MAML1: variants seen among roughly 807,000 people sequenced by gnomAD.
MAML1 encodes mastermind-like protein 1.
MAML1 carries 14 observed loss-of-function variants against 77.1 expected under a neutral mutation model. That is an observed-to-expected ratio of 0.18 (90% CI 0.12 to 0.28). The LOEUF (loss-of-function observed/expected upper bound fraction) is 0.28. MAML1 is among the 10% of genes least tolerant of loss of function. MAML1 has a pLI of 1.00. For missense variants in MAML1, 1,217 were observed against 1,327.8 expected (o/e 0.92, Z 1.30); for synonymous variants, 516 against 551.9 (o/e 0.93, Z 0.91).
chr5:179,758,622 T>C (rs1256467997), intron 1 of MAML1, among the ~76,000 whole-genome samples: 3 of 152,110 alleles, frequency 2.0e-5, no homozygotes, highest in African/African-American at 7.2e-5. Context: ...ACTCCTGGGT[T>C]CAAGTGATCC....
intron 1 of MAML1, among the ~76,000 whole-genome samples, chr5:179,751,657 A>G (rs1256272829): frequency 6.6e-6 from 1 of 152,036 alleles, no homozygotes; most frequent in Non-Finnish European, 1.5e-5. Flanking sequence ...GTGAGCCAAG[A>G]TCATGCCACT....
At chr5:179,763,388 GGT>G (rs1779756649) in intron 1 of MAML1, among the ~76,000 whole-genome samples, 1 of 151,968 alleles carries the variant, frequency 6.6e-6, no homozygotes, top group Non-Finnish European at 1.5e-5. Flanking sequence ...GCTGTGGGGC[GGT>G]GTTCTGAATC....
intron 1 of MAML1, among the ~76,000 whole-genome samples, chr5:179,747,808 CAAAAAAAA>C (rs71001044): frequency 1.5e-4 from 6 of 40,890 alleles, no homozygotes; most frequent in South Asian, 1.6e-3. Context: ...GACTCCATCT[CAAAAAAAA>C]AAAAAAAAAA....
chr5:179,738,975 G>T (rs1412835766), intron 1 of MAML1, among the ~76,000 whole-genome samples: 2 of 152,028 alleles, frequency 1.3e-5, no homozygotes, highest in Non-Finnish European at 2.9e-5. Flanking sequence ...CATTCTTCGT[G>T]ACTTCTTCCT....
intron 4 of MAML1, among the ~76,000 whole-genome samples, chr5:179,773,173 G>A (rs536342703): frequency 4.6e-5 from 7 of 152,222 alleles, no homozygotes; most frequent in African/African-American, 1.7e-4. Flanking sequence ...GTGAACCACC[G>A]CGCCCGGCCA....
intron 1 of MAML1, among the ~76,000 whole-genome samples, chr5:179,744,884 A>C (rs1007893329): frequency 7.9e-5 from 12 of 152,008 alleles, no homozygotes; most frequent in Non-Finnish European, 1.5e-4. Context: ...TTAGTACAAA[A>C]CAACGCATGC....
intron 1 of MAML1, among the ~76,000 whole-genome samples, chr5:179,745,859 C>CAAAAA (rs36036714): frequency 8.5e-4 from 54 of 63,448 alleles, no homozygotes; most frequent in South Asian, 1.4e-3. Context: ...AACTCCGTCT[C>CAAAAA]AAAAAAAAAA....
At chr5:179,750,956 G>A (rs1424364595) in intron 1 of MAML1, among the ~76,000 whole-genome samples, 1 of 152,126 alleles carries the variant, frequency 6.6e-6, no homozygotes, top group Non-Finnish European at 1.5e-5. Context: ...CTTCAGTGCT[G>A]TCCTGAAAAC....
rs1238068707 is a variant in MAML1 at position 179,732,948 on chromosome 5, C to G, written c.-165C>G. ...AGCGCCGGCTGGGGGTCGGGCCGAG[C>G]GGGGCAGGAGGAAAACCCGCCGCCG... is the stretch of plus-strand genomic sequence containing the variant. On this transcript the variant is annotated 5_prime_UTR_variant, in exon 1 of 5. Coordinates refer to ENST00000292599, the MANE Select transcript of MAML1 (RefSeq NM_014757.5). The G allele has an allele frequency of 3.1e-6, 1 of 326,442 alleles. No homozygotes were observed. The highest frequency in any genetic ancestry group is 5.3e-6 in the Non-Finnish European group (1 of 187,956). The allele number at this position is 326,442 out of a possible 1,614,324, so 20.2% of individuals were successfully genotyped here.
At chr5:179,761,486 C>T (rs1018715991) in intron 1 of MAML1, among the ~76,000 whole-genome samples, 1 of 152,146 alleles carries the variant, frequency 6.6e-6, no homozygotes, top group African/African-American at 2.4e-5. Context: ...CACCTGAGGT[C>T]AGGAGTTTGA....
intron 1 of MAML1, among the ~76,000 whole-genome samples, chr5:179,749,055 T>G (rs1029860476): frequency 1.3e-5 from 2 of 151,762 alleles, no homozygotes; most frequent in Non-Finnish European, 2.9e-5. Flanking sequence ...AACCTCCACC[T>G]CCTGGGTTTG....
chr5:179,737,784 A>G (rs1173493611), intron 1 of MAML1, among the ~76,000 whole-genome samples: 2 of 152,214 alleles, frequency 1.3e-5, no homozygotes, highest in Admixed American at 6.5e-5. Flanking sequence ...CTAATTTTCA[A>G]GGAATGAGTC....
intron 1 of MAML1, among the ~76,000 whole-genome samples, chr5:179,737,213 C>G (rs1333884054): frequency 1.3e-5 from 2 of 152,080 alleles, no homozygotes; most frequent in Non-Finnish European, 2.9e-5. Context: ...TAAACCTTGA[C>G]TTATGGATTT....
intron 1 of MAML1, among the ~76,000 whole-genome samples, chr5:179,736,833 C>T (rs1034227007): frequency 6.6e-6 from 1 of 151,798 alleles, no homozygotes; most frequent in African/African-American, 2.4e-5. Context: ...ATGTGGCGTG[C>T]GCCTGTGGTC....
At chr5:179,739,175 T>C (rs1256678778) in intron 1 of MAML1, among the ~76,000 whole-genome samples, 1 of 152,122 alleles carries the variant, frequency 6.6e-6, no homozygotes, top group Non-Finnish European at 1.5e-5. Flanking sequence ...ATAGAAAATA[T>C]TTTTTGGAAA....
intron 1 of MAML1, among the ~76,000 whole-genome samples, chr5:179,744,159 T>C (rs1240695937): frequency 2.0e-5 from 3 of 152,170 alleles, no homozygotes; most frequent in Non-Finnish European, 4.4e-5. Context: ...CACATTTCTT[T>C]GCAACAAAAA....
intron 1 of MAML1, among the ~76,000 whole-genome samples, chr5:179,745,137 C>T (rs958144083): frequency 8.6e-5 from 13 of 151,898 alleles, no homozygotes; most frequent in Non-Finnish European, 1.9e-4. Context: ...GATCTCCTGA[C>T]CTCGTGATCC....
At chr5:179,749,652 G>C (rs1298354736) in intron 1 of MAML1, among the ~76,000 whole-genome samples, 1 of 152,226 alleles carries the variant, frequency 6.6e-6, no homozygotes, top group African/African-American at 2.4e-5. Context: ...AATCATGAAA[G>C]AGTAAGACAC....
At chr5:179,757,545 G>T (rs1390497501) in intron 1 of MAML1, among the ~76,000 whole-genome samples, 2 of 152,000 alleles carry the variant, frequency 1.3e-5, no homozygotes, top group Non-Finnish European at 2.9e-5. Flanking sequence ...TCCAGCCTGG[G>T]TGACAGAGTG....
Sources: allele counts gnomAD v4.1 joint callset (sites outside exome capture counted in the v4.1 genomes callset), GRCh38; gene constraint gnomAD v4.1.1; transcripts MANE v1.5; gene names NCBI Gene and HGNC (gene_info 2026-07-23, HGNC 2026-07-21).